Variants in GALNTL6 observed in about 807,000 individuals in gnomAD.
GALNTL6 encodes polypeptide N-acetylgalactosaminyltransferase like 6, also known as polypeptide N-acetylgalactosaminyltransferase-like 6.
In GALNTL6, 46 loss-of-function variants were observed where a neutral mutation model predicts 73.7. The ratio of observed to expected loss-of-function variants is 0.62; its 90% CI spans 0.49 to 0.80. The LOEUF is 0.80. GALNTL6 is among the 30% of genes least tolerant of loss of function. GALNTL6 has a pLI of 0.00. For synonymous variants in GALNTL6, 259 were observed against 263.7 expected (o/e 0.98, Z 0.17); for missense variants, 604 against 755.0 (o/e 0.80, Z 2.34).
At chr4:172,204,961 C>T (rs975575708) in intron 2 of GALNTL6, among the ~76,000 whole-genome samples, 9 of 152,178 alleles carry the variant, frequency 5.9e-5, no homozygotes, top group Non-Finnish European at 1.0e-4. Flanking sequence ...CCAGGTACTA[C>T]TAATTCTACT....
chr4:172,281,048 A>T (rs1485695221), intron 3 of GALNTL6, among the ~76,000 whole-genome samples: 1 of 151,684 alleles, frequency 6.6e-6, no homozygotes, highest in African/African-American at 2.4e-5. Flanking sequence ...GAGTGCCTGT[A>T]GTCCCTGCTA....
intron 5 of GALNTL6, among the ~76,000 whole-genome samples, chr4:172,750,316 G>A (rs1198813549): frequency 6.6e-6 from 1 of 152,066 alleles, no homozygotes; most frequent in Non-Finnish European, 1.5e-5. Flanking sequence ...TAAGTTTTGT[G>A]GTTCACAAAG....
chr4:172,590,551 A>G (rs936783446), intron 5 of GALNTL6, among the ~76,000 whole-genome samples: 4 of 152,152 alleles, frequency 2.6e-5, no homozygotes, highest in Non-Finnish European at 5.9e-5. Context: ...CTCCCCCTCA[A>G]TTTAACAAAG....
Position 171,976,627 on chromosome 4 carries a change from C to T in GALNTL6, c.138+161909C>T, listed in dbSNP as rs963138848. On this transcript the variant is annotated intron_variant, in intron 2 of 12. Transcript: ENST00000506823. ...ACTATACTACGCACTATTTTGATAG[C>T]GGGTTATGGTGACTGCATTAGGATA... Among the ~76,000 whole-genome samples, 7 of 152,218 alleles carry T rather than the reference C, an allele frequency of 4.6e-5. No individual in the cohort carries two copies. The South Asian group carries it at 8.3e-4, about 18-fold the overall frequency.
At chr4:172,488,762 C>G (rs553117180) in intron 5 of GALNTL6, among the ~76,000 whole-genome samples, 2 of 150,312 alleles carry the variant, frequency 1.3e-5, no homozygotes, top group Admixed American at 1.3e-4. Flanking sequence ...AATTTACAGA[C>G]AGATTTCAGA....
At chr4:172,577,695 G>C (rs1737010672) in intron 5 of GALNTL6, among the ~76,000 whole-genome samples, 1 of 152,120 alleles carries the variant, frequency 6.6e-6, no homozygotes, top group South Asian at 2.1e-4. Flanking sequence ...GACTCAAGCA[G>C]AGGTAAGCAC....
intron 7 of GALNTL6, among the ~76,000 whole-genome samples, chr4:172,822,069 A>G (rs143541510): frequency 2.0e-5 from 3 of 152,224 alleles, no homozygotes; most frequent in East Asian, 3.9e-4. Flanking sequence ...CCCTCTCCCT[A>G]TGGGTGTGAT....
At chr4:172,455,153 G>A (rs1019399689) in intron 5 of GALNTL6, among the ~76,000 whole-genome samples, 1 of 152,230 alleles carries the variant, frequency 6.6e-6, no homozygotes, top group Admixed American at 6.5e-5. Flanking sequence ...GAGGGACTGT[G>A]CTGTGAGGAA....
At chr4:172,988,130 T>C (rs552107022) in intron 10 of GALNTL6, among the ~76,000 whole-genome samples, 1 of 152,340 alleles carries the variant, frequency 6.6e-6, no homozygotes, top group African/African-American at 2.4e-5. Flanking sequence ...ATGGGAAAGT[T>C]TGAATCTTCC....
intron 5 of GALNTL6, among the ~76,000 whole-genome samples, chr4:172,621,782 C>A (rs1031788158): frequency 1.3e-5 from 2 of 152,130 alleles, no homozygotes; most frequent in Non-Finnish European, 2.9e-5. Context: ...CCTTGATATG[C>A]AATTCCACTG....
At chr4:172,306,845 T>G (rs1740158083) in intron 3 of GALNTL6, among the ~76,000 whole-genome samples, 1 of 152,242 alleles carries the variant, frequency 6.6e-6, no homozygotes, top group Non-Finnish European at 1.5e-5. Flanking sequence ...TGCTACATTT[T>G]CTTTACACAC....
chr4:172,873,041 T>C (rs1745024888), intron 7 of GALNTL6, among the ~76,000 whole-genome samples: 1 of 152,242 alleles, frequency 6.6e-6, no homozygotes, highest in Non-Finnish European at 1.5e-5. Context: ...GCATGTATTA[T>C]TCTCCTGATT....
At chr4:172,802,282 T>C (rs1740694756) in intron 5 of GALNTL6, among the ~76,000 whole-genome samples, 1 of 152,192 alleles carries the variant, frequency 6.6e-6, no homozygotes, top group Admixed American at 6.5e-5. Flanking sequence ...AGCCAGTGCT[T>C]TTATACAAAG....
At chr4:172,441,765 A>T (rs1305982282) in intron 5 of GALNTL6, among the ~76,000 whole-genome samples, 1 of 152,156 alleles carries the variant, frequency 6.6e-6, no homozygotes, top group East Asian at 1.9e-4. Context: ...ATACATCCAG[A>T]AAAAGAAAGA....
chr4:172,359,050 T>C (rs1294737718), intron 5 of GALNTL6, among the ~76,000 whole-genome samples: 1 of 152,132 alleles, frequency 6.6e-6, no homozygotes, highest in East Asian at 1.9e-4. Flanking sequence ...CAAAGGAATA[T>C]AAATCATTCT....
chr4:171,962,977 AGGAT>A (rs1739271198), intron 2 of GALNTL6, among the ~76,000 whole-genome samples: 1 of 151,752 alleles, frequency 6.6e-6, no homozygotes, highest in South Asian at 2.1e-4. Flanking sequence ...TATGTTGGCC[AGGAT>A]GGTCTCAATC....
intron 3 of GALNTL6, among the ~76,000 whole-genome samples, chr4:172,269,532 A>G (rs150825537): frequency 1.3e-5 from 2 of 152,314 alleles, no homozygotes; most frequent in African/African-American, 2.4e-5. Flanking sequence ...ATACTGGGAA[A>G]GAGACACAGG....
intron 5 of GALNTL6, among the ~76,000 whole-genome samples, chr4:172,482,736 T>A (rs1733534937): frequency 6.6e-6 from 1 of 152,234 alleles, no homozygotes; most frequent in Non-Finnish European, 1.5e-5. Flanking sequence ...AATACTTCTT[T>A]ATTTGGCAAT....
chr4:171,991,060 TC>T (rs1938827163), intron 2 of GALNTL6, among the ~76,000 whole-genome samples: 1 of 152,064 alleles, frequency 6.6e-6, no homozygotes. Context: ...CTGAGAGACT[TC>T]AGCAATGTTG....
Sources: gnomAD v4.1 joint callset for allele counts (sites outside exome capture counted in the v4.1 genomes callset) on GRCh38, gnomAD v4.1.1 for gene constraint, MANE v1.5 for transcripts, NCBI Gene and HGNC (gene_info 2026-07-23, HGNC 2026-07-21) for gene names.